Variants in EFCAB6 observed in about 807,000 individuals in gnomAD.
EFCAB6 encodes EF-hand calcium binding domain 6.
EFCAB6 carries 156 observed loss-of-function variants against 169.8 expected under a neutral mutation model. The ratio of observed to expected loss-of-function variants is 0.92; its 90% confidence interval spans 0.81 to 1.05. The LOEUF is 1.05. Among genes scored for constraint, EFCAB6 ranks in the 50% least tolerant of loss-of-function variants. The pLI is 0.00. For synonymous variants in EFCAB6, 698 were observed against 676.4 expected (o/e 1.03, Z -0.50); for missense variants, 1,800 against 1,829.1 (o/e 0.98, Z 0.29).
At chr22:43,696,910 A>G (rs1016941734) in intron 10 of EFCAB6, among the ~76,000 whole-genome samples, 8 of 152,216 alleles carry the variant, frequency 5.3e-5, no homozygotes, top group African/African-American at 1.9e-4. Flanking sequence ...CAATTAAAAT[A>G]TACACTTAAA....
At chr22:43,760,550 G>A (rs1202885737) in intron 5 of EFCAB6, among the ~76,000 whole-genome samples, 2 of 152,062 alleles carry the variant, frequency 1.3e-5, no homozygotes, top group Non-Finnish European at 2.9e-5. Context: ...CTCTTATACT[G>A]CTATGGGTTG....
At chr22:43,650,870 T>C (rs1014662804) in intron 17 of EFCAB6, among the ~76,000 whole-genome samples, 8 of 152,124 alleles carry the variant, frequency 5.3e-5, no homozygotes, top group Non-Finnish European at 1.0e-4. Flanking sequence ...TTGTGGAACT[T>C]TGAACTTGAG....
intron 12 of EFCAB6, among the ~76,000 whole-genome samples, chr22:43,680,027 T>C (rs189326170): frequency 6.6e-6 from 1 of 152,318 alleles, no homozygotes; most frequent in Admixed American, 6.5e-5. Context: ...GGTTATACTT[T>C]GGTGTCATTA....
At chr22:43,534,503 G>A (rs1459131083) in intron 30 of EFCAB6, among the ~76,000 whole-genome samples, 185 bp downstream of exon 30, 1 of 146,030 alleles carries the variant, frequency 6.8e-6, no homozygotes, top group Non-Finnish European at 1.5e-5. Context: ...GCTTGTGCCT[G>A]TGGTCCTAGT....
chr22:43,735,644 GA>G (rs1464695036), intron 7 of EFCAB6, among the ~76,000 whole-genome samples: 2 of 152,158 alleles, frequency 1.3e-5, no homozygotes, highest in Non-Finnish European at 2.9e-5. Context: ...GGTGCTTAAG[GA>G]ATGAGAACCA....
intron 17 of EFCAB6, among the ~76,000 whole-genome samples, chr22:43,645,904 C>A (rs942804458): frequency 6.6e-6 from 1 of 151,966 alleles, no homozygotes; most frequent in East Asian, 1.9e-4. Context: ...GTGACATGAC[C>A]ACCTTTCAAT....
At chr22:43,663,829 G>C (rs902387198) in intron 17 of EFCAB6, among the ~76,000 whole-genome samples, 5 of 152,320 alleles carry the variant, frequency 3.3e-5, no homozygotes, top group Admixed American at 2.6e-4. Context: ...ACCCAGAAGA[G>C]GGCCCTTGCC....
chr22:43,699,926 A>G (rs957500116), intron 10 of EFCAB6, among the ~76,000 whole-genome samples: 1 of 152,240 alleles, frequency 6.6e-6, no homozygotes, highest in Admixed American at 6.5e-5. Flanking sequence ...ACCTGCTCAC[A>G]TGATGGAAGG....
At chr22:43,707,522 A>G (rs901574639) in intron 10 of EFCAB6, among the ~76,000 whole-genome samples, 1 of 152,226 alleles carries the variant, frequency 6.6e-6, no homozygotes, top group Non-Finnish European at 1.5e-5. Context: ...ATCTTAAAAA[A>G]GAAATCACCT....
At chr22:43,612,270 A>C (rs2053367038) in intron 21 of EFCAB6, among the ~76,000 whole-genome samples, 1 of 152,232 alleles carries the variant, frequency 6.6e-6, no homozygotes, top group South Asian at 2.1e-4. Flanking sequence ...GGAACTGAGA[A>C]ATATTTCATG....
At chr22:43,531,310 A>G (rs955820384) in intron 30 of EFCAB6, among the ~76,000 whole-genome samples, 4 of 152,170 alleles carry the variant, frequency 2.6e-5, no homozygotes, top group African/African-American at 9.7e-5. Flanking sequence ...ACCCCAACAC[A>G]CTTCAGGCCA....
chr22:43,782,243 G>A lies in EFCAB6; in HGVS notation c.76C>T (p.His26Tyr), dbSNP rs763686764. Reference protein sequence around the residue: ...HTRKFTHSRPHSSPCRVYSRN... With the variant: ...HTRKFTHSRPYSSPCRVYSRN... ...GAATATACTCTACACGGTGAAGAAT[G>A]GGGTCTTGAATGTGTAAATTTTCGT... is the stretch of plus-strand genomic sequence containing the variant. Residue 26 changes from histidine to tyrosine, a missense_variant, in exon 3 of 32, where the codon CAT (histidine) becomes TAT (tyrosine). Physicochemically the swap from His to Tyr is moderately conservative, Grantham distance 83. Coordinates refer to ENST00000262726, the MANE Select transcript of EFCAB6 (RefSeq NM_022785.4). 5.6e-6 allele frequency: 9 copies of A among 1,614,004 alleles called. No homozygotes were observed. In the South Asian group the frequency reaches 8.8e-5, roughly 16 times the overall value.
intron 6 of EFCAB6, among the ~76,000 whole-genome samples, chr22:43,743,849 A>G (rs900811599): frequency 6.6e-6 from 1 of 152,136 alleles, no homozygotes; most frequent in African/African-American, 2.4e-5. Context: ...GCCTGGATCA[A>G]TGAATAACTG....
chr22:43,746,310 A>G (rs2060562389), intron 6 of EFCAB6, among the ~76,000 whole-genome samples: 1 of 152,204 alleles, frequency 6.6e-6, no homozygotes, highest in Non-Finnish European at 1.5e-5. Context: ...ATATCCAAAT[A>G]AGATCCACAA....
At chr22:43,643,228 T>C (rs1331297717) in intron 17 of EFCAB6, among the ~76,000 whole-genome samples, 1 of 152,228 alleles carries the variant, frequency 6.6e-6, no homozygotes, top group Non-Finnish European at 1.5e-5. Flanking sequence ...AACTCCATGT[T>C]CTAAATGAGG....
chr22:43,683,675 TG>T (rs1446173656), intron 12 of EFCAB6, 71 bp downstream of exon 12: 17 of 1,077,226 alleles, frequency 1.6e-5, no homozygotes, highest in Non-Finnish European at 2.3e-5. Flanking sequence ...GAGTTGTTAT[TG>T]GTCTTGTTCT....
At chr22:43,667,420 G>T in intron 16 of EFCAB6, 148 bp from the exon 17 acceptor site, 1 of 1,013,388 alleles carries the variant, frequency 9.9e-7, no homozygotes. Context: ...AGTGACTCAG[G>T]GGCTTCTTAC....
rs895217502 is a variant in EFCAB6 at position 43,744,086 on chromosome 22, T to C, written c.508-8093A>G. 7.2e-6 allele frequency among the ~76,000 whole-genome samples: 1 copy of C among 139,462 alleles called. No individual in the cohort carries two copies. Among genetic ancestry groups the C allele is most frequent in the Non-Finnish European group, 1.6e-5 (1 of 64,414 alleles). 91.5% of individuals were successfully genotyped at this position (139,462 alleles called of 152,430 possible). A position where few individuals can be genotyped will look rare whatever the true frequency, so the allele number is the denominator to read the frequency against. ...ATGGATGAACGGATGAATGGATGAA[T>C]GATGAATGAATGAATGAATGAATGA... is the stretch of plus-strand genomic sequence containing the variant. On this transcript the variant is annotated intron_variant, in intron 6 of 31. Transcript: ENST00000262726. The surrounding 1 kb of genome is among the most constrained non-coding windows in gnomAD (Gnocchi z 4.3).
At chr22:43,660,040 G>A (rs549686774) in intron 17 of EFCAB6, among the ~76,000 whole-genome samples, 2 of 152,204 alleles carry the variant, frequency 1.3e-5, no homozygotes, top group Non-Finnish European at 1.5e-5. Context: ...AGAGGCCGAG[G>A]TGGGGTCTCC....
Sources: allele counts gnomAD v4.1 joint callset (sites outside exome capture counted in the v4.1 genomes callset), GRCh38; gene constraint gnomAD v4.1.1; non-coding constraint Gnocchi (gnomAD v3.1); transcripts MANE v1.5; gene names NCBI Gene and HGNC (gene_info 2026-07-23, HGNC 2026-07-21).